HUNK: variants seen among roughly 807,000 people sequenced by gnomAD.
HUNK encodes hormonally up-regulated neu tumor-associated kinase.
A neutral mutation model predicts 61.0 loss-of-function variants in HUNK; 21 were observed. The ratio of observed to expected loss-of-function variants is 0.34; its 90% CI spans 0.24 to 0.50. The LOEUF (loss-of-function observed/expected upper bound fraction) is 0.50. Among genes scored for constraint, HUNK ranks in the 20% least tolerant of loss-of-function variants. HUNK has a pLI of 0.98. For synonymous variants in HUNK, 371 were observed against 386.1 expected, an observed-to-expected ratio of 0.96 and a Z score of 0.46; for missense variants, 772 against 945.7, an observed-to-expected ratio of 0.82 and a Z score of 2.41.
Position 31,957,585 on chromosome 21 carries a change from G to T in HUNK, c.747-1258G>T, listed in dbSNP as rs141017374. 9.4e-4 allele frequency among the ~76,000 whole-genome samples: 143 copies of T among 152,140 alleles called. 1 individual carries two copies. The highest frequency in any genetic ancestry group is 3.3e-3 in the African/African-American group (137 of 41,478). On this transcript the variant is annotated intron_variant, in intron 4 of 10. Coordinates refer to ENST00000270112, the MANE Select transcript of HUNK (RefSeq NM_014586.2). ...GCCTGTTTTTAAAGTATATTCCCTT[G>T]GGCGCTTTTGAACACTTGAGACCTC...
At chr21:31,918,363 A>G (rs1286418144) in intron 1 of HUNK, among the ~76,000 whole-genome samples, 1 of 152,224 alleles carries the variant, frequency 6.6e-6, no homozygotes, top group Non-Finnish European at 1.5e-5. Flanking sequence ...CCTTGATGGC[A>G]GAACTTGGGA....
At chr21:31,979,716 C>A (rs914223716) in intron 7 of HUNK, among the ~76,000 whole-genome samples, 1 of 151,472 alleles carries the variant, frequency 6.6e-6, no homozygotes, top group Non-Finnish European at 1.5e-5. Context: ...AGGGTTTCAC[C>A]GTGTTAGCCA....
chr21:31,899,607 G>C (rs550759615), intron 1 of HUNK, among the ~76,000 whole-genome samples: 1 of 152,228 alleles, frequency 6.6e-6, no homozygotes, highest in South Asian at 2.1e-4. Context: ...TATCTTTATG[G>C]GAAACCCAAT....
intron 1 of HUNK, among the ~76,000 whole-genome samples, chr21:31,922,681 G>A (rs769248101): frequency 1.3e-5 from 2 of 152,206 alleles, no homozygotes; most frequent in African/African-American, 2.4e-5. Flanking sequence ...TCACCATGCT[G>A]TACATTGGAT....
chr21:31,885,884 G>A (rs1198191270), intron 1 of HUNK, among the ~76,000 whole-genome samples: 2 of 151,990 alleles, frequency 1.3e-5, no homozygotes, highest in African/African-American at 2.4e-5. Context: ...ACAGGCACGC[G>A]CCACCATACC....
At chr21:31,923,945 G>A (rs1391156917) in intron 1 of HUNK, among the ~76,000 whole-genome samples, 13 of 152,096 alleles carry the variant, frequency 8.5e-5, no homozygotes, top group Non-Finnish European at 1.9e-4. Flanking sequence ...GAGCGGGGGC[G>A]GGCAAGGCTA....
intron 1 of HUNK, among the ~76,000 whole-genome samples, chr21:31,894,822 G>A (rs1013517288): frequency 1.2e-4 from 19 of 152,136 alleles, no homozygotes; most frequent in African/African-American, 4.6e-4. Flanking sequence ...GTGGGGTCTG[G>A]ATTTCTTCCC....
At chr21:31,919,009 GGAGGAGGGGC>G (rs1340038732) in intron 1 of HUNK, among the ~76,000 whole-genome samples, 8,157 of 145,364 alleles carry the variant, frequency 0.056, 1,228 homozygotes, top group Middle Eastern at 0.092. Context: ...AGCGGTATGA[GGAGGAGGGGC>G]TGGACTGAGC....
rs2052908038 is a variant in HUNK at position 31,958,868 on chromosome 21, A to G, written c.772A>G (p.Thr258Ala). Reference protein sequence around the residue: ...SIGVNMYAMLTGTLPFTVEPF... With the variant: ...SIGVNMYAMLAGTLPFTVEPF... The stretch of plus-strand genomic sequence containing the variant: ...AGGTGTGAACATGTATGCCATGTTG[A>G]CCGGGACGCTGCCTTTCACGGTGGA... The change falls in exon 5 of 11, where the codon ACC becomes GCC. Residue 258 changes from threonine to alanine, a missense_variant. Physicochemically the swap from Thr to Ala is moderately conservative, Grantham distance 58. Around this residue, in one of 2 missense-constraint regions of HUNK, gnomAD observed 359 missense variants for 501.3 expected, o/e 0.72. Transcript: ENST00000270112. The G allele has an allele frequency of 6.2e-7, 1 of 1,604,034 alleles. No homozygotes were observed. The highest frequency in any genetic ancestry group is 1.3e-5 in the African/African-American group (1 of 74,194).
At chr21:31,922,156 C>G (rs984255829) in intron 1 of HUNK, among the ~76,000 whole-genome samples, 1 of 151,382 alleles carries the variant, frequency 6.6e-6, no homozygotes, top group African/African-American at 2.4e-5. Context: ...AGCTGGGATT[C>G]CAGGCGTCCA....
intron 2 of HUNK, among the ~76,000 whole-genome samples, chr21:31,927,879 TGA>T (rs2123818623): frequency 6.6e-6 from 1 of 152,168 alleles, no homozygotes; most frequent in South Asian, 2.1e-4. Flanking sequence ...CTCACCAAGG[TGA>T]GAGCACCTCT....
intron 6 of HUNK, among the ~76,000 whole-genome samples, chr21:31,969,803 G>C (rs564063501): frequency 6.6e-6 from 1 of 152,254 alleles, no homozygotes; most frequent in South Asian, 2.1e-4. Flanking sequence ...CTGGGCTCAA[G>C]TGATCCTCCT....
chr21:31,999,143 C>G lies in HUNK; in HGVS notation c.2104C>G (p.Leu702Val), dbSNP rs201493316. The G allele has an allele frequency of 5.0e-6, 8 of 1,613,234 alleles. No homozygotes were observed. In the East Asian group the frequency reaches 1.8e-4, roughly 36 times the overall value. ...ACTGCAGCCCCTAGCCCCTGTGAACCTTGCCTTTGACATGGCCGATGGGGT... is the reference window on the plus strand; with the variant it reads ...ACTGCAGCCCCTAGCCCCTGTGAACGTTGCCTTTGACATGGCCGATGGGGT... ...PPLQPLAPVN[L>V]AFDMADGVKT... The change falls in exon 11 of 11, where the codon CTT (leucine) becomes GTT (valine). Residue 702 changes from leucine to valine, a missense_variant. Leu to Val is a conservative substitution (Grantham distance 32, BLOSUM62 1). Around this residue, in one of 2 missense-constraint regions of HUNK, gnomAD observed 413 missense variants for 444.4 expected, o/e 0.93. Transcript: ENST00000270112.
At chr21:31,961,734 C>A (rs1045000465) in intron 5 of HUNK, among the ~76,000 whole-genome samples, 5 of 152,098 alleles carry the variant, frequency 3.3e-5, no homozygotes, top group African/African-American at 9.7e-5. Context: ...TTTGAGGGTT[C>A]AGAGCCTGTT....
At chr21:31,942,334 C>T (rs2052774490) in intron 3 of HUNK, among the ~76,000 whole-genome samples, 1 of 152,228 alleles carries the variant, frequency 6.6e-6, no homozygotes, top group East Asian at 1.9e-4. Flanking sequence ...TGCTTGGTCT[C>T]TCTGCTTTCT....
intron 6 of HUNK, among the ~76,000 whole-genome samples, 199 bp downstream of exon 6, chr21:31,968,584 G>A (rs149004211): frequency 3.9e-4 from 60 of 152,282 alleles, no homozygotes; most frequent in African/African-American, 1.4e-3. Context: ...CTGTTATGCC[G>A]TGTGCCCTGC....
chr21:31,998,209 G>A (rs957757180), intron 10 of HUNK, among the ~76,000 whole-genome samples: 6 of 152,164 alleles, frequency 3.9e-5, no homozygotes, highest in African/African-American at 1.4e-4. Context: ...GTGAGCCACC[G>A]CTGCCTAGGG....
chr21:31,873,929 G>T lies in HUNK; in HGVS notation c.255G>T (p.Gly85=). The change falls in exon 1 of 11, where the codon GGG becomes GGT. Residue 85 remains glycine (G), a synonymous_variant. Transcript: ENST00000270112. The surrounding 1 kb of genome is among the most constrained non-coding windows in gnomAD (Gnocchi z 6.1). ...GCGAGGGGCTGCACGTGCTGACCGG[G>T]GAGAAGGTGAGTCTCCCGGGCGCCG... is the stretch of plus-strand genomic sequence containing the variant. ...KVREGLHVLT[G]EKVAIKVIDK... 6.5e-7 allele frequency: 1 copy of T among 1,543,502 alleles called. No individual in the cohort carries two copies. Among genetic ancestry groups the T allele is most frequent in the East Asian group, 2.5e-5 (1 of 39,400 alleles).
intron 7 of HUNK, among the ~76,000 whole-genome samples, chr21:31,980,644 A>G (rs1248695771): frequency 6.9e-6 from 1 of 145,468 alleles, no homozygotes; most frequent in Non-Finnish European, 1.5e-5. Context: ...TGATCTGCCC[A>G]CCTCTACCAC....
Sources: allele counts gnomAD v4.1 joint callset (sites outside exome capture counted in the v4.1 genomes callset), GRCh38; gene constraint gnomAD v4.1.1; regional missense constraint gnomAD v4.1.1; non-coding constraint Gnocchi (gnomAD v3.1); transcripts MANE v1.5; gene names NCBI Gene and HGNC (gene_info 2026-07-23, HGNC 2026-07-21).